RASGRP3: variants seen among roughly 807,000 people sequenced by gnomAD.
RASGRP3 encodes the protein RAS guanyl releasing protein 3, also known as ras guanyl-releasing protein 3.
RASGRP3 carries 54 observed loss-of-function variants against 82.7 expected under a neutral mutation model. That is an observed-to-expected ratio of 0.65 (90% CI 0.52 to 0.82). The LOEUF is 0.82. Among genes scored for constraint, RASGRP3 ranks in the 40% least tolerant of loss-of-function variants. The probability of loss-of-function intolerance (pLI) is 0.00; values close to 1 mark genes in which losing one functional copy is unlikely to be tolerated. For synonymous variants in RASGRP3, 309 were observed against 300.5 expected, an observed-to-expected ratio of 1.03 and a Z score of -0.29; for missense variants, 861 against 828.9, an observed-to-expected ratio of 1.04 and a Z score of -0.48.
intron 1 of RASGRP3, among the ~76,000 whole-genome samples, chr2:33,477,696 A>G (rs2150928351): frequency 6.6e-6 from 1 of 152,344 alleles, no homozygotes; most frequent in Non-Finnish European, 1.5e-5. Flanking sequence ...GTCACCAGAC[A>G]GAATGCTTCA....
At chr2:33,454,967 A>C (rs1665963226) in intron 2 of RASGRP3, among the ~76,000 whole-genome samples, 1 of 152,122 alleles carries the variant, frequency 6.6e-6, no homozygotes, top group South Asian at 2.1e-4. Context: ...AAAAAAAGAG[A>C]GGGATCATGA....
At chr2:33,469,586 A>G (rs1261845129) in intron 2 of RASGRP3, among the ~76,000 whole-genome samples, 7 of 151,480 alleles carry the variant, frequency 4.6e-5, no homozygotes, top group Admixed American at 3.3e-4. Flanking sequence ...CAGCCTCCCT[A>G]GTAGCTGAGA....
At chr2:33,461,558 G>A (rs1347571495) in intron 2 of RASGRP3, among the ~76,000 whole-genome samples, 1 of 152,236 alleles carries the variant, frequency 6.6e-6, no homozygotes, top group African/African-American at 2.4e-5. Flanking sequence ...GATTGCAGGC[G>A]TGAGCCAATG....
chr2:33,467,675 A>T (rs1666780622), intron 2 of RASGRP3, among the ~76,000 whole-genome samples: 1 of 152,198 alleles, frequency 6.6e-6, no homozygotes, highest in Non-Finnish European at 1.5e-5. Flanking sequence ...AATTTGGTGT[A>T]GGGCAAATGG....
chr2:33,481,445 G>C (rs1667888710), intron 1 of RASGRP3: 1 of 152,254 alleles, frequency 6.6e-6, no homozygotes, highest in Non-Finnish European at 1.5e-5. Flanking sequence ...ACAGGCATGA[G>C]CCACTGCGCC....
At chr2:33,493,078 T>C (rs2150962684) in intron 1 of RASGRP3, 1 of 152,352 alleles carries the variant, frequency 6.6e-6, no homozygotes, top group East Asian at 1.9e-4. Flanking sequence ...GGGCAGGTTG[T>C]CTACCAGAAC....
intron 1 of RASGRP3, among the ~76,000 whole-genome samples, chr2:33,496,888 AC>A (rs1458848756): frequency 4.6e-5 from 7 of 152,128 alleles, no homozygotes; most frequent in African/African-American, 1.4e-4. Context: ...AACAAAAAAA[AC>A]AAACCCCTAC....
chr2:33,557,899 T>C (rs1233156663), intron 15 of RASGRP3, among the ~76,000 whole-genome samples: 1 of 152,058 alleles, frequency 6.6e-6, no homozygotes, highest in Non-Finnish European at 1.5e-5. Context: ...GCATTTAGTT[T>C]TGGGCAAAGG....
rs1385989651 is a variant in RASGRP3, at chr2:33,524,470, A to C, written c.729A>C (p.Ala243=). Residue 243 remains alanine (A), a synonymous_variant, in exon 9 of 18, where the codon GCA becomes GCC. Coordinates refer to ENST00000403687, the MANE Select transcript of RASGRP3 (RefSeq NM_001139488.2). The part of the protein sequence containing the change: ...LQLKNFNTLM[A]VVGGLSHSSI... ...TCAAAAATTTTAACACCCTGATGGCAGTGGTGGGAGGCCTCAGTCATAGTT... is the reference window on the plus strand; with the variant it reads ...TCAAAAATTTTAACACCCTGATGGCCGTGGTGGGAGGCCTCAGTCATAGTT... 4 of 1,605,900 alleles carry C rather than the reference A, an allele frequency of 2.5e-6. 1 individual carries two copies. The South Asian group carries it at 4.5e-5, about 18-fold the overall frequency.
At position 33,539,189 on chromosome 2, in the gene RASGRP3, G is replaced by A. The variant is rs1417296446; in HGVS notation, c.1257G>A (p.Lys419=). ...MPKPDPTVIN[K]HIRKLVESVF... is the part of the protein sequence containing the mutation. ...AGCCAGACCCCACGGTCATCAACAAGCACATAAGGAAATTAGTGGAGGTAA... is the reference window on the plus strand; with the variant it reads ...AGCCAGACCCCACGGTCATCAACAAACACATAAGGAAATTAGTGGAGGTAA... Residue 419 remains lysine, a synonymous_variant, in exon 12 of 18, where the codon AAG becomes AAA. Coordinates refer to ENST00000403687, the MANE Select transcript of RASGRP3 (RefSeq NM_001139488.2). 1 of 1,608,336 alleles carries A rather than the reference G, an allele frequency of 6.2e-7. No individual in the cohort carries two copies. Among genetic ancestry groups the A allele is most frequent in the Non-Finnish European group, 8.5e-7 (1 of 1,177,366 alleles).
chr2:33,493,612 C>T (rs57665994), intron 1 of RASGRP3, among the ~76,000 whole-genome samples: 17,300 of 151,872 alleles, frequency 0.11, 1,096 homozygotes, highest in African/African-American at 0.17. Context: ...CCAGCTCCAC[C>T]TTCTCAAGCT....
chr2:33,524,321 A>T, intron 8 of RASGRP3, 111 bp from the exon 9 acceptor site: 1 of 769,142 alleles, frequency 1.3e-6, no homozygotes, highest in Non-Finnish European at 2.1e-6. Flanking sequence ...AATTGATGTA[A>T]TGTTTTCCTT....
chr2:33,515,024 A>G lies in RASGRP3; in HGVS notation c.-113A>G, dbSNP rs985585306. ...TTTTTTTTTAGAGTTTTCTTGAAGT[A>G]CAACTAAGGACAGGTCACCACTAGG... On this transcript the variant is annotated 5_prime_UTR_variant, in exon 3 of 18. Transcript: ENST00000403687. 1.1e-6 allele frequency: 1 copy of G among 935,618 alleles called. No homozygotes were observed. The allele number at this position is 935,618 out of a possible 1,614,324, so 58.0% of individuals were successfully genotyped here.
intron 2 of RASGRP3, among the ~76,000 whole-genome samples, chr2:33,450,528 A>G (rs995672343): frequency 1.3e-5 from 2 of 152,150 alleles, no homozygotes; most frequent in African/African-American, 4.8e-5. Flanking sequence ...CTCCAGGTTT[A>G]TCCATGTTGT....
At position 33,520,634 on chromosome 2, in the gene RASGRP3, T is replaced by C. The variant is rs1418470271; in HGVS notation, c.318T>C (p.Ala106=). The change falls in exon 6 of 18, where the codon GCT becomes GCC. Residue 106 remains alanine (A), a synonymous_variant. Coordinates refer to ENST00000403687, the MANE Select transcript of RASGRP3 (RefSeq NM_001139488.2). ...IRMTEEFREV[A]SQLGYEKHVS... ...TGACTGAGGAATTTCGGGAAGTAGC[T>C]AGTCAACTAGGATATGAAAAACACG... The C allele has an allele frequency of 4.3e-6, 7 of 1,613,898 alleles. No individual in the cohort carries two copies. The Admixed American group carries it at 6.7e-5, about 15-fold the overall frequency.
At chr2:33,540,553 GTTTT>G (rs1374544671) in intron 12 of RASGRP3, among the ~76,000 whole-genome samples, 24 of 126,184 alleles carry the variant, frequency 1.9e-4, no homozygotes, top group African/African-American at 6.4e-4. Context: ...CTGTGTGTGT[GTTTT>G]GTGTGTGTGT....
intron 2 of RASGRP3, among the ~76,000 whole-genome samples, chr2:33,460,800 C>T (rs1666320066): frequency 6.6e-6 from 1 of 152,138 alleles, no homozygotes; most frequent in Non-Finnish European, 1.5e-5. Flanking sequence ...TGGACGTGAG[C>T]CACCGCACCC....
At chr2:33,547,053 GAAAAAAAAAA>G (rs767124838) in intron 13 of RASGRP3, among the ~76,000 whole-genome samples, 12 of 123,924 alleles carry the variant, frequency 9.7e-5, no homozygotes, top group African/African-American at 3.2e-4. Flanking sequence ...CTGTCTCAGG[GAAAAAAAAAA>G]AAAAAAAAAA....
chr2:33,517,190 A>G (rs1671550550), intron 4 of RASGRP3, among the ~76,000 whole-genome samples: 1 of 152,246 alleles, frequency 6.6e-6, no homozygotes, highest in Non-Finnish European at 1.5e-5. Flanking sequence ...AAACAAAAAA[A>G]TCCCACATGG....
Sources: gnomAD v4.1 joint callset for allele counts (sites outside exome capture counted in the v4.1 genomes callset) on GRCh38, gnomAD v4.1.1 for gene constraint, MANE v1.5 for transcripts, NCBI Gene and HGNC (gene_info 2026-07-23, HGNC 2026-07-21) for gene names.